Variants in CNTN5 observed in about 807,000 individuals in gnomAD.
CNTN5 encodes contactin 5.
In CNTN5, 77 loss-of-function variants were observed where a neutral mutation model predicts 129.1. The ratio of observed to expected loss-of-function variants is 0.60; its 90% confidence interval spans 0.50 to 0.72. The LOEUF is 0.72. CNTN5 is among the 30% of genes least tolerant of loss of function. The pLI, the probability that CNTN5 is intolerant of heterozygous loss-of-function variation, is 0.00. For synonymous variants in CNTN5, 509 were observed against 465.6 expected (o/e 1.09, Z -1.20); for missense variants, 1,478 against 1,328.8 (o/e 1.11, Z -1.75).
chr11:100,100,667 G>T (rs1477391663), intron 13 of CNTN5, among the ~76,000 whole-genome samples: 1 of 152,072 alleles, frequency 6.6e-6, no homozygotes. Context: ...CAGTTTCAGA[G>T]GAAAATGTTA....
chr11:99,931,484 C>T (rs901853046), intron 7 of CNTN5, among the ~76,000 whole-genome samples: 14 of 152,052 alleles, frequency 9.2e-5, no homozygotes, highest in Admixed American at 2.0e-4. Flanking sequence ...TCTAGTTTAC[C>T]TAATTATTTT....
intron 4 of CNTN5, among the ~76,000 whole-genome samples, chr11:99,829,594 C>G (rs1313928078): frequency 6.6e-6 from 1 of 152,196 alleles, no homozygotes; most frequent in Non-Finnish European, 1.5e-5. Context: ...AGTATCTACT[C>G]TGTTTTCAAC....
chr11:99,240,702 A>G (rs905305448), intron 1 of CNTN5, among the ~76,000 whole-genome samples: 31 of 152,194 alleles, frequency 2.0e-4, no homozygotes, highest in African/African-American at 7.5e-4. Flanking sequence ...TGGATAAAAC[A>G]TAAAATTAAG....
Position 100,091,631 on chromosome 11 carries a change from G to A in CNTN5, c.1580+17337G>A, listed in dbSNP as rs74513800. 1.3e-3 allele frequency among the ~76,000 whole-genome samples: 191 copies of A among 151,822 alleles called. 6 individuals are homozygous for A. The East Asian group carries it at 0.034, about 27-fold the overall frequency. On this transcript the variant is annotated intron_variant, in intron 13 of 24. Transcript: ENST00000524871. ...TTCAGTAGAAAATGGGTTTCACCAC[G>A]TTGGCCAGGCTGGTCTTGAACTCCT...
intron 2 of CNTN5, among the ~76,000 whole-genome samples, chr11:99,500,659 T>A (rs574265116): frequency 1.3e-5 from 2 of 152,294 alleles, no homozygotes; most frequent in Admixed American, 1.3e-4. Flanking sequence ...TACATAGTAT[T>A]CCATGAATTG....
At chr11:100,023,389 GC>G (rs1305867340) in intron 9 of CNTN5, among the ~76,000 whole-genome samples, 1 of 152,108 alleles carries the variant, frequency 6.6e-6, no homozygotes, top group Non-Finnish European at 1.5e-5. Context: ...GCAAAAGTGA[GC>G]AAAAGTGCAG....
chr11:99,380,778 AAAAAAAAAG>A (rs1317278496), intron 2 of CNTN5, among the ~76,000 whole-genome samples: 1 of 148,266 alleles, frequency 6.7e-6, no homozygotes, highest in Non-Finnish European at 1.5e-5. Flanking sequence ...CAAAAAAAAA[AAAAAAAAAG>A]AAAAGAAAAA....
chr11:100,128,042 G>T (rs1249854285), intron 13 of CNTN5, among the ~76,000 whole-genome samples: 1 of 152,012 alleles, frequency 6.6e-6, no homozygotes, highest in African/African-American at 2.4e-5. Context: ...TTCTGCAGAT[G>T]ATCTCTATTG....
chr11:99,325,402 G>T lies in CNTN5; in HGVS notation c.-153G>T, dbSNP rs997459974. 7.9e-5 allele frequency: 12 copies of T among 151,942 alleles called. No homozygotes were observed. The highest frequency in any genetic ancestry group is 1.3e-4 in the Non-Finnish European group (9 of 67,992). The allele number at this position is 151,942 out of a possible 1,614,324, so 9.4% of individuals were successfully genotyped here. A position where few individuals can be genotyped will look rare whatever the true frequency, so the allele number is the denominator to read the frequency against. ...TCAAGATCTACTAAGCATCATTTTTGCATGACTACTGCAAAAGGATTACTT... is the reference window on the plus strand; with the variant it reads ...TCAAGATCTACTAAGCATCATTTTTTCATGACTACTGCAAAAGGATTACTT... On this transcript the variant is annotated 5_prime_UTR_variant, in exon 2 of 25. Coordinates refer to ENST00000524871, the MANE Select transcript of CNTN5 (RefSeq NM_014361.4).
Position 99,617,499 on chromosome 11 carries a change from T to C in CNTN5, c.55+61230T>C, listed in dbSNP as rs554671475. Among the ~76,000 whole-genome samples, 6 of 152,310 alleles carry C rather than the reference T, an allele frequency of 3.9e-5. No homozygotes were observed. The East Asian group carries it at 1.2e-3, about 29-fold the overall frequency. On this transcript the variant is annotated intron_variant, in intron 3 of 24. Transcript: ENST00000524871. ...CATAAAGCTTGGCTATATTAGTCCA[T>C]AGAAAAGTGACACATAAACTTTAGT...
At chr11:100,218,417 C>G (rs928385277) in intron 15 of CNTN5, among the ~76,000 whole-genome samples, 6 of 152,148 alleles carry the variant, frequency 3.9e-5, no homozygotes, top group Non-Finnish European at 8.8e-5. Flanking sequence ...ATATTTATCT[C>G]AAAGACCAAT....
At chr11:100,294,579 A>G (rs1274199178) in intron 18 of CNTN5, among the ~76,000 whole-genome samples, 2 of 151,862 alleles carry the variant, frequency 1.3e-5, no homozygotes, top group South Asian at 2.1e-4. Context: ...CAAGACATTT[A>G]TCAGTAGTTG....
chr11:99,458,496 T>G (rs1382740299), intron 2 of CNTN5, among the ~76,000 whole-genome samples: 1 of 152,030 alleles, frequency 6.6e-6, no homozygotes, highest in African/African-American at 2.4e-5. Flanking sequence ...AAGAGAAAGT[T>G]AATTGGGAAT....
chr11:99,701,930 A>G (rs1323331578), intron 3 of CNTN5, among the ~76,000 whole-genome samples: 1 of 150,968 alleles, frequency 6.6e-6, no homozygotes, highest in Non-Finnish European at 1.5e-5. Flanking sequence ...GTCTGATTCT[A>G]CTGTGAAAAA....
intron 8 of CNTN5, among the ~76,000 whole-genome samples, chr11:99,985,164 G>A (rs1938600422): frequency 6.6e-6 from 1 of 152,074 alleles, no homozygotes; most frequent in Admixed American, 6.6e-5. Flanking sequence ...AGGGCAAAGG[G>A]TCAGTGTGAT....
At chr11:99,202,761 T>C (rs114290051) in intron 1 of CNTN5, among the ~76,000 whole-genome samples, 13,709 of 150,682 alleles carry the variant, frequency 0.091, 685 homozygotes, top group African/African-American at 0.11. Context: ...TTTTTAAATA[T>C]ATGTATATAA....
intron 1 of CNTN5, among the ~76,000 whole-genome samples, chr11:99,318,497 A>C (rs1361775712): frequency 6.6e-6 from 1 of 152,230 alleles, no homozygotes; most frequent in Non-Finnish European, 1.5e-5. Flanking sequence ...AAATTGATTT[A>C]ATGTGATGGC....
intron 3 of CNTN5, among the ~76,000 whole-genome samples, chr11:99,666,999 T>C (rs887552420): frequency 6.6e-6 from 1 of 152,030 alleles, no homozygotes; most frequent in African/African-American, 2.4e-5. Context: ...AATAGAATTA[T>C]AATGCTTTAA....
chr11:99,833,080 C>T (rs949100707), intron 4 of CNTN5, among the ~76,000 whole-genome samples: 3 of 152,118 alleles, frequency 2.0e-5, no homozygotes, highest in Non-Finnish European at 4.4e-5. Context: ...ATAAAACAAT[C>T]GAAACAGTGA....
Sources: allele counts gnomAD v4.1 joint callset (sites outside exome capture counted in the v4.1 genomes callset), GRCh38; gene constraint gnomAD v4.1.1; transcripts MANE v1.5; gene names NCBI Gene and HGNC (gene_info 2026-07-23, HGNC 2026-07-21).